Variants in CENPU observed in about 807,000 individuals in gnomAD.
The protein encoded by CENPU is KSHV latent nuclear antigen interacting protein 1.
A neutral mutation model predicts 56.7 loss-of-function variants in CENPU; 46 were observed. That is an observed-to-expected ratio of 0.81 (90% CI 0.64 to 1.04). The LOEUF (loss-of-function observed/expected upper bound fraction) is 1.04, where lower values mean the gene tolerates loss of function less well. Ranked by LOEUF, CENPU falls within the 50% of genes least tolerant of loss-of-function variation. The pLI, the probability that CENPU is intolerant of heterozygous loss-of-function variation, is 0.00. For missense variants in CENPU, 510 were observed against 490.1 expected, an observed-to-expected ratio of 1.04 and a Z score of -0.38; for synonymous variants, 166 against 163.0, an observed-to-expected ratio of 1.02 and a Z score of -0.14.
At chr4:184,728,217 T>C (rs947183673) in intron 3 of CENPU, among the ~76,000 whole-genome samples, 8 of 152,234 alleles carry the variant, frequency 5.3e-5, no homozygotes, top group Non-Finnish European at 1.0e-4. Context: ...AGGACATTTT[T>C]ATCAAGTCAT....
At chr4:184,696,331 G>A (rs1760306948) in intron 12 of CENPU, among the ~76,000 whole-genome samples, 1 of 152,184 alleles carries the variant, frequency 6.6e-6, no homozygotes, top group Non-Finnish European at 1.5e-5. Context: ...AGGCAAAAGG[G>A]ACAGTTAATA....
At chr4:184,700,743 G>A (rs921198408) in intron 11 of CENPU, 77 bp downstream of exon 11, 16 of 1,243,864 alleles carry the variant, frequency 1.3e-5, no homozygotes, top group African/African-American at 2.9e-5. Flanking sequence ...ACAGCAGCAA[G>A]TGTCACTCCC....
At position 184,710,114 on chromosome 4, in the gene CENPU, T is replaced by C. The variant is rs1461114880; in HGVS notation, c.755A>G (p.Asn252Ser). ...GMKTSDIKEL[N>S]IVLPEFEKTH... The stretch of plus-strand genomic sequence containing the variant: ...TTTCTCAAATTCAGGCAAAACAATA[T>C]TCAACTCCTTGATGTCACTGGTTTT... The change falls in exon 8 of 13, where the codon AAT becomes AGT. Residue 252 changes from asparagine to serine, a missense_variant. Physicochemically the swap from Asn to Ser is conservative, Grantham distance 46. Coordinates refer to ENST00000281453, the MANE Select transcript of CENPU (RefSeq NM_024629.4). 2 of 1,612,188 alleles carry C rather than the reference T, an allele frequency of 1.2e-6. No individual in the cohort carries two copies. The highest frequency in any genetic ancestry group is 1.1e-5 in the South Asian group (1 of 90,666).
intron 2 of CENPU, among the ~76,000 whole-genome samples, chr4:184,729,863 T>C (rs1162700108): frequency 1.3e-5 from 2 of 152,202 alleles, no homozygotes; most frequent in Admixed American, 1.3e-4. Context: ...AAAACTTTCA[T>C]GGTAGTTCCA....
chr4:184,706,145 C>T (rs1480798459), intron 8 of CENPU, among the ~76,000 whole-genome samples: 2 of 145,968 alleles, frequency 1.4e-5, no homozygotes, highest in Admixed American at 6.7e-5. Context: ...ACATAAGCCC[C>T]ACTTTAAAAA....
At chr4:184,710,235 C>T in intron 7 of CENPU, 55 bp from the exon 8 acceptor site, 1 of 1,208,910 alleles carries the variant, frequency 8.3e-7, no homozygotes, top group East Asian at 2.5e-5. Flanking sequence ...GCTGTAGGTC[C>T]AGGGTTCTGA....
chr4:184,694,102 A>AATC lies in CENPU; in HGVS notation c.*1183_*1185dup, dbSNP rs2150188932. The AATC allele has an allele frequency of 2.3e-6, 1 of 430,382 alleles. No homozygotes were observed. Among genetic ancestry groups the AATC allele is most frequent in the African/African-American group, 2.1e-5 (1 of 46,578 alleles). The allele number at this position is 430,382 out of a possible 1,614,324, so 26.7% of individuals were successfully genotyped here. On this transcript the variant is annotated 3_prime_UTR_variant, in exon 13 of 13. Transcript: ENST00000281453. ...CAGTCATATTTTGGCAACTGTTTTT[A>AATC]ATCTTTTTTCAATCCATGTTTACGA...
chr4:184,718,496 G>A lies in CENPU; in HGVS notation c.321-1300C>T, dbSNP rs150219930. Among the ~76,000 whole-genome samples the A allele has an allele frequency of 2.8e-3, 419 of 152,332 alleles. 4 individuals are homozygous for A. Among genetic ancestry groups the A allele is most frequent in the African/African-American group, 9.1e-3 (378 of 41,574 alleles). ...AGGGGAGCCCTACCAGGAGGTGGAC[G>A]TAGGAGTGAGATGAGACTGGGGTTT... On this transcript the variant is annotated intron_variant, in intron 4 of 12. Transcript: ENST00000281453.
intron 8 of CENPU, among the ~76,000 whole-genome samples, chr4:184,704,799 G>C (rs993467374): frequency 6.6e-6 from 1 of 152,240 alleles, no homozygotes; most frequent in Non-Finnish European, 1.5e-5. Flanking sequence ...GTCATTGCTC[G>C]AATGGGTACA....
chr4:184,716,673 A>G lies in CENPU; in HGVS notation c.382-40T>C, dbSNP rs1761104886. 2.1e-6 allele frequency: 3 copies of G among 1,424,936 alleles called. No individual in the cohort carries two copies. The South Asian group carries it at 3.5e-5, about 17-fold the overall frequency. The allele number at this position is 1,424,936 out of a possible 1,614,324, so 88.3% of individuals were successfully genotyped here. ...AAACAGCAGTACTTATGTAGAAAAT[A>G]GAAATGCTTATAATTCTTACTGTAA... On this transcript the variant is annotated intron_variant, in intron 5 of 12. Transcript: ENST00000281453.
intron 1 of CENPU, among the ~76,000 whole-genome samples, chr4:184,731,842 CAT>C (rs1761656361): frequency 6.7e-6 from 1 of 149,362 alleles, no homozygotes; most frequent in Admixed American, 6.6e-5. Context: ...AAGTTGCAAA[CAT>C]AGCACAAGGA....
chr4:184,717,193 T>G lies in CENPU; in HGVS notation c.324A>C (p.Ser108=), dbSNP rs767389091. 9 of 1,611,278 alleles carry G rather than the reference T, an allele frequency of 5.6e-6. No individual in the cohort carries two copies. Among genetic ancestry groups the G allele is most frequent in the Non-Finnish European group, 5.9e-6 (7 of 1,179,066 alleles). ...CACTTGCTTCATTTCCAGAAGTGTC[T>G]GAACTGTAAAAAGTACAAGCCATCA... ...TPPGKEAKRS[S]DTSGNEASEI... is the part of the protein sequence containing the mutation. The change falls in exon 5 of 13, where the codon TCA becomes TCC. Residue 108 remains serine (S), a synonymous_variant. Coordinates refer to ENST00000281453, the MANE Select transcript of CENPU (RefSeq NM_024629.4).
intron 8 of CENPU, among the ~76,000 whole-genome samples, chr4:184,702,818 G>A (rs946084570): frequency 8.5e-5 from 13 of 152,094 alleles, no homozygotes; most frequent in African/African-American, 2.9e-4. Flanking sequence ...GTAAGAACAC[G>A]CGGTATTTGG....
intron 4 of CENPU, among the ~76,000 whole-genome samples, chr4:184,719,962 G>C (rs1162460052): frequency 1.3e-5 from 2 of 152,262 alleles, no homozygotes; most frequent in Admixed American, 6.5e-5. Flanking sequence ...ACTCTTCAAT[G>C]TCTAGACACT....
chr4:184,694,899 T>TTTTG lies in CENPU; in HGVS notation c.*385_*388dup. ...AAGTTTTATTACTTTGCTTTCCAAT[T>TTTTG]TTTGTTTTTTACTTCTGTAAACCAA... On this transcript the variant is annotated 3_prime_UTR_variant, in exon 13 of 13. Transcript: ENST00000281453. 2.1e-6 allele frequency: 2 copies of TTTTG among 933,296 alleles called. No individual in the cohort carries two copies. The highest frequency in any genetic ancestry group is 3.1e-6 in the Non-Finnish European group (2 of 643,364). 57.8% of individuals were successfully genotyped at this position (933,296 alleles called of 1,614,324 possible). A position where few individuals can be genotyped will look rare whatever the true frequency, so the allele number is the denominator to read the frequency against.
At chr4:184,723,187 T>C (rs1561142981) in intron 4 of CENPU, among the ~76,000 whole-genome samples, 2 of 152,106 alleles carry the variant, frequency 1.3e-5, no homozygotes, top group African/African-American at 2.4e-5. Context: ...GAAAGCTCCA[T>C]GTGTATTGAT....
At position 184,694,832 on chromosome 4, in the gene CENPU, T is replaced by C; in HGVS notation, c.*456A>G. ...CAGGCTATAATTTGCCTGATGTCTG[T>C]GAGATTTGATAAATATATCATTCAA... On this transcript the variant is annotated 3_prime_UTR_variant, in exon 13 of 13. Coordinates refer to ENST00000281453, the MANE Select transcript of CENPU (RefSeq NM_024629.4). 1 of 1,417,728 alleles carries C rather than the reference T, an allele frequency of 7.1e-7. No homozygotes were observed. The highest frequency in any genetic ancestry group is 9.8e-7 in the Non-Finnish European group (1 of 1,018,034). The allele number at this position is 1,417,728 out of a possible 1,614,324, so 87.8% of individuals were successfully genotyped here.
intron 8 of CENPU, among the ~76,000 whole-genome samples, chr4:184,706,068 C>A (rs1561131528): frequency 6.6e-6 from 1 of 152,074 alleles, no homozygotes; most frequent in Admixed American, 6.5e-5. Context: ...ACACTATTGA[C>A]CTGTGTTCTT....
chr4:184,712,451 G>T (rs1173512693), intron 7 of CENPU, among the ~76,000 whole-genome samples: 1 of 152,172 alleles, frequency 6.6e-6, no homozygotes, highest in Non-Finnish European at 1.5e-5. Context: ...AAGAGGCATG[G>T]GGGAACTTTC....
Sources: gnomAD v4.1 joint callset for allele counts (sites outside exome capture counted in the v4.1 genomes callset) on GRCh38, gnomAD v4.1.1 for gene constraint, MANE v1.5 for transcripts, NCBI Gene and HGNC (gene_info 2026-07-23, HGNC 2026-07-21) for gene names.